NAALADL2: variants seen among roughly 807,000 people sequenced by gnomAD.
NAALADL2 encodes the protein N-acetylated alpha-linked acidic dipeptidase like 2, also known as inactive N-acetylated-alpha-linked acidic dipeptidase-like protein 2.
A neutral mutation model predicts 87.2 loss-of-function variants in NAALADL2; 76 were observed. That is an observed-to-expected ratio of 0.87 (90% CI 0.72 to 1.05). The LOEUF (loss-of-function observed/expected upper bound fraction) is 1.05, where lower values mean the gene tolerates loss of function less well. Among genes scored for constraint, NAALADL2 ranks in the 50% least tolerant of loss-of-function variants. The pLI is 0.00. For synonymous variants in NAALADL2, 354 were observed against 331.0 expected (o/e 1.07, Z -0.75); for missense variants, 1,089 against 945.8 (o/e 1.15, Z -1.99).
chr3:175,742,965 TCTTA>T (rs1338663909), intron 12 of NAALADL2, among the ~76,000 whole-genome samples: 2 of 152,010 alleles, frequency 1.3e-5, no homozygotes, highest in Non-Finnish European at 2.9e-5. Flanking sequence ...AAGTTTTATG[TCTTA>T]CTTCAGAGGA....
chr3:174,574,527 A>C (rs1016032064), intron 2 of NAALADL2, among the ~76,000 whole-genome samples: 1 of 152,126 alleles, frequency 6.6e-6, no homozygotes, highest in African/African-American at 2.4e-5. Context: ...ATCATGCAGT[A>C]ATGATGCTCT....
chr3:174,789,995 G>A (rs1211116854), intron 3 of NAALADL2, among the ~76,000 whole-genome samples: 6 of 152,150 alleles, frequency 3.9e-5, no homozygotes, highest in Non-Finnish European at 8.8e-5. Context: ...TGTAGCATAA[G>A]TAAGCCTGGA....
At chr3:175,433,852 G>T (rs773978454) in intron 5 of NAALADL2, among the ~76,000 whole-genome samples, 5 of 151,922 alleles carry the variant, frequency 3.3e-5, no homozygotes, top group African/African-American at 4.8e-5. Flanking sequence ...AGAATTAATA[G>T]AATATTTCTG....
intron 2 of NAALADL2, among the ~76,000 whole-genome samples, chr3:174,713,986 G>A (rs1470738702): frequency 1.3e-4 from 19 of 151,882 alleles, no homozygotes; most frequent in East Asian, 1.9e-4. Flanking sequence ...TATAAGGTGT[G>A]AGGAAGGGAT....
chr3:175,633,807 C>A (rs1728140690), intron 11 of NAALADL2, among the ~76,000 whole-genome samples: 1 of 151,476 alleles, frequency 6.6e-6, no homozygotes, highest in Admixed American at 6.6e-5. Context: ...TTCAAAAGAT[C>A]CTGTTTACGT....
chr3:174,734,304 G>A (rs1289851933), intron 2 of NAALADL2, among the ~76,000 whole-genome samples: 2 of 152,128 alleles, frequency 1.3e-5, no homozygotes, highest in Admixed American at 1.3e-4. Context: ...ATGCACATGT[G>A]TGTATCCATA....
intron 1 of NAALADL2, among the ~76,000 whole-genome samples, chr3:175,016,086 C>T (rs1021960063): frequency 6.6e-6 from 1 of 151,400 alleles, no homozygotes; most frequent in Non-Finnish European, 1.5e-5. Context: ...CAATATTCAC[C>T]TGAAACTCCT....
At chr3:174,749,028 CA>C (rs1240935907) in intron 3 of NAALADL2, among the ~76,000 whole-genome samples, 5 of 152,158 alleles carry the variant, frequency 3.3e-5, no homozygotes, top group African/African-American at 1.2e-4. Flanking sequence ...TAATAATAAA[CA>C]ACCTTTGGCT....
chr3:175,067,266 C>A (rs1033556632), intron 1 of NAALADL2, among the ~76,000 whole-genome samples: 3 of 152,046 alleles, frequency 2.0e-5, no homozygotes, highest in African/African-American at 7.2e-5. Context: ...AACTGAAGAG[C>A]TTTGGCACCG....
intron 9 of NAALADL2, among the ~76,000 whole-genome samples, chr3:175,475,371 A>C (rs1725546479): frequency 6.6e-6 from 1 of 152,196 alleles, no homozygotes; most frequent in Non-Finnish European, 1.5e-5. Flanking sequence ...ATTAAGATGC[A>C]AAACAAACAC....
At chr3:175,355,058 G>GTGTA (rs1426615597) in intron 5 of NAALADL2, among the ~76,000 whole-genome samples, 1 of 120,912 alleles carries the variant, frequency 8.3e-6, no homozygotes, top group African/African-American at 2.8e-5. Flanking sequence ...GTGTGTGTGT[G>GTGTA]TATACATATA....
intron 2 of NAALADL2, among the ~76,000 whole-genome samples, chr3:175,170,823 T>C (rs1376508559): frequency 6.6e-6 from 1 of 151,646 alleles, no homozygotes; most frequent in Non-Finnish European, 1.5e-5. Flanking sequence ...TAATGTCCTA[T>C]AAAGAATATA....
At chr3:174,740,385 T>C (rs1294687620) in intron 3 of NAALADL2, among the ~76,000 whole-genome samples, 1 of 151,990 alleles carries the variant, frequency 6.6e-6, no homozygotes, top group Non-Finnish European at 1.5e-5. Flanking sequence ...TGAAAAATCT[T>C]CTGATATCCA....
At chr3:174,626,591 T>C (rs529288940) in intron 2 of NAALADL2, among the ~76,000 whole-genome samples, 2 of 152,192 alleles carry the variant, frequency 1.3e-5, no homozygotes, top group South Asian at 2.1e-4. Flanking sequence ...TTTTTCCATA[T>C]AGCTATTACA....
intron 2 of NAALADL2, among the ~76,000 whole-genome samples, chr3:175,185,620 T>A (rs868800481): frequency 1.3e-5 from 2 of 151,690 alleles, no homozygotes; most frequent in African/African-American, 4.8e-5. Flanking sequence ...TAATATTAAA[T>A]CTAGAATAGT....
At chr3:175,026,219 C>A (rs1232039506) in intron 1 of NAALADL2, among the ~76,000 whole-genome samples, 2 of 151,942 alleles carry the variant, frequency 1.3e-5, no homozygotes, top group African/African-American at 2.4e-5. Flanking sequence ...AAGCTCCAGG[C>A]AATATTAATG....
intron 1 of NAALADL2, among the ~76,000 whole-genome samples, chr3:174,936,550 G>A (rs183018504): frequency 4.4e-4 from 67 of 152,098 alleles, no homozygotes; most frequent in Non-Finnish European, 8.2e-4. Context: ...AAACCCAAAG[G>A]TTCTGTAGTG....
intron 5 of NAALADL2, among the ~76,000 whole-genome samples, chr3:175,439,965 C>T (rs1272260609): frequency 1.3e-5 from 2 of 152,046 alleles, no homozygotes; most frequent in East Asian, 1.9e-4. Context: ...TTTGCCTAAG[C>T]CAGTGTCTAG....
intron 1 of NAALADL2, among the ~76,000 whole-genome samples, chr3:174,992,970 T>C (rs898632417): frequency 1.4e-4 from 21 of 152,100 alleles, no homozygotes; most frequent in Admixed American, 4.6e-4. Context: ...TGGGGCTTGA[T>C]ACCTTGTCTT....
Sources: allele counts gnomAD v4.1 joint callset (sites outside exome capture counted in the v4.1 genomes callset), GRCh38; gene constraint gnomAD v4.1.1; transcripts MANE v1.5; gene names NCBI Gene and HGNC (gene_info 2026-07-23, HGNC 2026-07-21).